NOS1AP: variants seen among roughly 807,000 people sequenced by gnomAD.
NOS1AP encodes nitric oxide synthase 1 adaptor protein.
In NOS1AP, 21 loss-of-function variants were observed where a neutral mutation model predicts 56.2. The observed-to-expected ratio is 0.37, with a 90% confidence interval of 0.26 to 0.54. NOS1AP has a LOEUF of 0.54. Ranked by LOEUF, NOS1AP falls within the 20% of genes least tolerant of loss-of-function variation. The pLI, the probability that NOS1AP is intolerant of heterozygous loss-of-function variation, is 0.84. For missense variants in NOS1AP, 522 were observed against 657.8 expected, an observed-to-expected ratio of 0.79 and a Z score of 2.26; for synonymous variants, 270 against 274.6, an observed-to-expected ratio of 0.98 and a Z score of 0.17.
chr1:162,083,347 T>C (rs1043121614), intron 1 of NOS1AP, among the ~76,000 whole-genome samples: 3 of 152,230 alleles, frequency 2.0e-5, no homozygotes, highest in Middle Eastern at 3.2e-3. Flanking sequence ...ACATATTATC[T>C]TGAGTCCATG....
At chr1:162,365,064 G>A in intron 8 of NOS1AP, 3 of 1,179,620 alleles carry the variant, frequency 2.5e-6, no homozygotes, top group Non-Finnish European at 3.1e-6. Flanking sequence ...CCGTGCGTGT[G>A]TGTGTGTATA....
At chr1:162,208,311 A>G (rs138370306) in intron 2 of NOS1AP, among the ~76,000 whole-genome samples, 1 of 152,338 alleles carries the variant, frequency 6.6e-6, no homozygotes, top group African/African-American at 2.4e-5. Flanking sequence ...ACTCTGGATC[A>G]CATCCCACCT....
Position 162,069,936 on chromosome 1 carries a change from A to C in NOS1AP, c.-242A>C. On this transcript the variant is annotated 5_prime_UTR_variant, in exon 1 of 10. Transcript: ENST00000361897. ...CCACCTCCTCCCCTGCCGCCCTCCT[A>C]GCCGGCAGGAATTGCGCGACCACAG... 9.8e-6 allele frequency: 2 copies of C among 204,220 alleles called. No homozygotes were observed. The highest frequency in any genetic ancestry group is 6.1e-5 in the Admixed American group (1 of 16,498). The allele number at this position is 204,220 out of a possible 1,614,324, so 12.7% of individuals were successfully genotyped here.
At chr1:162,257,660 A>AT (rs1654077882) in intron 2 of NOS1AP, among the ~76,000 whole-genome samples, 1 of 151,740 alleles carries the variant, frequency 6.6e-6, no homozygotes. Flanking sequence ...AAAAAAAAAA[A>AT]GAAAAAAGAA....
At chr1:162,085,803 T>C (rs1218701146) in intron 1 of NOS1AP, among the ~76,000 whole-genome samples, 2 of 152,174 alleles carry the variant, frequency 1.3e-5, no homozygotes. Context: ...CGTGGAAAGA[T>C]AGGCACATTA....
intron 5 of NOS1AP, among the ~76,000 whole-genome samples, chr1:162,340,658 G>A (rs562503446): frequency 6.6e-6 from 1 of 152,304 alleles, no homozygotes; most frequent in South Asian, 2.1e-4. Context: ...ACAACGGGTG[G>A]AGGGAGGATA....
At chr1:162,077,205 C>T (rs1691787730) in intron 1 of NOS1AP, among the ~76,000 whole-genome samples, 1 of 152,146 alleles carries the variant, frequency 6.6e-6, no homozygotes, top group South Asian at 2.1e-4. Flanking sequence ...GCAGTGTGTT[C>T]ATATCTTCAC....
Position 162,070,158 on chromosome 1 carries a change from C to A in NOS1AP, c.-20C>A. 1 of 1,602,688 alleles carries A rather than the reference C, an allele frequency of 6.2e-7. No homozygotes were observed. The highest frequency in any genetic ancestry group is 8.5e-7 in the Non-Finnish European group (1 of 1,170,024). ...CCTGCAGCCGCCGCCTCCGAAGGAG[C>A]GGGTCCGCCGCGGGTAACCATGCCT... On this transcript the variant is annotated 5_prime_UTR_variant, in exon 1 of 10. Transcript: ENST00000361897.
chr1:162,205,064 A>C (rs1652116102), intron 2 of NOS1AP, among the ~76,000 whole-genome samples: 2 of 152,256 alleles, frequency 1.3e-5, no homozygotes, highest in African/African-American at 4.8e-5. Context: ...AGATATTGCC[A>C]GAAATCACAC....
At chr1:162,225,596 G>A (rs1428922891) in intron 2 of NOS1AP, among the ~76,000 whole-genome samples, 3 of 152,202 alleles carry the variant, frequency 2.0e-5, no homozygotes, top group Non-Finnish European at 4.4e-5. Flanking sequence ...GTGCCTGCAG[G>A]TGCCTCATAA....
chr1:162,143,706 C>G (rs1219735337), intron 1 of NOS1AP, among the ~76,000 whole-genome samples: 1 of 152,136 alleles, frequency 6.6e-6, no homozygotes, highest in Non-Finnish European at 1.5e-5. Context: ...AAGTGATCCC[C>G]CCACCTCGGC....
At chr1:162,212,368 G>C (rs567993310) in intron 2 of NOS1AP, among the ~76,000 whole-genome samples, 11 of 152,176 alleles carry the variant, frequency 7.2e-5, no homozygotes, top group Non-Finnish European at 8.8e-5. Flanking sequence ...TGGGTGCTGG[G>C]CTATAGTGGT....
intron 2 of NOS1AP, among the ~76,000 whole-genome samples, chr1:162,246,961 G>A (rs1239222690): frequency 6.6e-6 from 1 of 152,142 alleles, no homozygotes; most frequent in Non-Finnish European, 1.5e-5. Flanking sequence ...AAGTCATTTT[G>A]TGGGAATCAT....
At chr1:162,124,661 A>G (rs56060386) in intron 1 of NOS1AP, among the ~76,000 whole-genome samples, 4,742 of 152,136 alleles carry the variant, frequency 0.031, 132 homozygotes, top group South Asian at 0.076. Flanking sequence ...AGCTGGGATT[A>G]CAGGCGCCCG....
At chr1:162,152,859 A>G (rs1294695650) in intron 1 of NOS1AP, among the ~76,000 whole-genome samples, 2 of 152,176 alleles carry the variant, frequency 1.3e-5, no homozygotes, top group African/African-American at 4.8e-5. Context: ...TTTCCCGCAC[A>G]GATGTCGCAG....
chr1:162,230,965 T>C (rs1653105036), intron 2 of NOS1AP, among the ~76,000 whole-genome samples: 1 of 152,256 alleles, frequency 6.6e-6, no homozygotes, highest in Non-Finnish European at 1.5e-5. Context: ...TGTACAAATA[T>C]CTCTTTAAGA....
rs1259949438 is a variant in NOS1AP, at chr1:162,154,436, A to G, written c.137A>G (p.Asn46Ser). ...GGAAGCCTGGACGTGCCAAGGCCCA[A>G]CAGCAGGGTGGAGATCGTGGCTGCC... ...YVGSLDVPRP[N>S]SRVEIVAAMR... Residue 46 changes from asparagine (N) to serine (S), a missense_variant, in exon 2 of 10, where the codon AAC becomes AGC. Around this residue, in one of 4 missense-constraint regions of NOS1AP, gnomAD observed 132 missense variants for 218.1 expected, o/e 0.61. Coordinates refer to ENST00000361897, the MANE Select transcript of NOS1AP (RefSeq NM_014697.3). The G allele has an allele frequency of 1.2e-6, 2 of 1,614,152 alleles. No individual in the cohort carries two copies. The highest frequency in any genetic ancestry group is 2.2e-5 in the South Asian group (2 of 91,088).
chr1:162,339,929 G>A (rs2101802717), intron 5 of NOS1AP, among the ~76,000 whole-genome samples: 1 of 152,294 alleles, frequency 6.6e-6, no homozygotes, highest in Admixed American at 6.5e-5. Flanking sequence ...TCCTCTAAAA[G>A]TAGACTTTTT....
At chr1:162,196,787 G>A (rs1254134139) in intron 2 of NOS1AP, among the ~76,000 whole-genome samples, 1 of 152,170 alleles carries the variant, frequency 6.6e-6, no homozygotes, top group Admixed American at 6.5e-5. Context: ...GATTGATATA[G>A]GGGTTGCTTG....
Sources: allele counts gnomAD v4.1 joint callset (sites outside exome capture counted in the v4.1 genomes callset), GRCh38; gene constraint gnomAD v4.1.1; regional missense constraint gnomAD v4.1.1; transcripts MANE v1.5; gene names NCBI Gene and HGNC (gene_info 2026-07-23, HGNC 2026-07-21).